PHLDB2: variants seen among roughly 807,000 people sequenced by gnomAD.
PHLDB2 encodes the protein pleckstrin homology like domain family B member 2.
A neutral mutation model predicts 123.6 loss-of-function variants in PHLDB2; 71 were observed. That is an observed-to-expected ratio of 0.57 (90% CI 0.47 to 0.70). The LOEUF (loss-of-function observed/expected upper bound fraction) is 0.70. Among genes scored for constraint, PHLDB2 ranks in the 30% least tolerant of loss-of-function variants. The pLI is 0.00. For synonymous variants in PHLDB2, 547 were observed against 541.6 expected, an observed-to-expected ratio of 1.01 and a Z score of -0.14; for missense variants, 1,446 against 1,519.5, an observed-to-expected ratio of 0.95 and a Z score of 0.80.
In PHLDB2 at chr3:111,932,416, T is replaced by G; in HGVS notation, c.2130+19T>G. On this transcript the variant is annotated intron_variant, in intron 6 of 17. Transcript: ENST00000431670. ...GAAGAGGGTCAGTAGCAAACAGGAA[T>G]GCACCAGTTATTTTGCTTTTCGTTT... is the stretch of plus-strand genomic sequence containing the variant. 6.5e-7 allele frequency: 1 copy of G among 1,534,732 alleles called. No homozygotes were observed. Among genetic ancestry groups the G allele is most frequent in the Non-Finnish European group, 8.8e-7 (1 of 1,138,346 alleles).
intron 13 of PHLDB2, 90 bp from the exon 14 acceptor site, chr3:111,966,519 GTGTC>G: frequency 1.6e-6 from 1 of 622,272 alleles, no homozygotes; most frequent in African/African-American, 2.5e-5. Flanking sequence ...GTGTGTGTGT[GTGTC>G]TGGGGTGTGT....
At chr3:111,913,777 A>AT in intron 3 of PHLDB2, 75 bp downstream of exon 3, 1 of 1,419,966 alleles carries the variant, frequency 7.0e-7, no homozygotes, top group Non-Finnish European at 9.5e-7. Flanking sequence ...AAAACTGATG[A>AT]TTTTATCATG....
intron 1 of PHLDB2, among the ~76,000 whole-genome samples, chr3:111,796,498 A>C: frequency 6.6e-6 from 1 of 152,176 alleles, no homozygotes; most frequent in East Asian, 1.9e-4. Context: ...CGCTTCTAAC[A>C]GATTCTCCAC....
At chr3:111,906,707 A>T (rs1002151298) in intron 2 of PHLDB2, among the ~76,000 whole-genome samples, 1 of 152,208 alleles carries the variant, frequency 6.6e-6, no homozygotes, top group African/African-American at 2.4e-5. Flanking sequence ...GAGAATAGGC[A>T]TTAGCATACA....
intron 2 of PHLDB2, among the ~76,000 whole-genome samples, chr3:111,848,306 C>T (rs955744252): frequency 6.6e-6 from 1 of 152,172 alleles, no homozygotes; most frequent in African/African-American, 2.4e-5. Context: ...AAGGTTACCC[C>T]CCGCCACCTG....
chr3:111,780,321 GGAAGAAGAAGAAGAAGAAGAA>G (rs776116547), intron 1 of PHLDB2, among the ~76,000 whole-genome samples: 10 of 3,676 alleles, frequency 2.7e-3, no homozygotes, highest in South Asian at 0.031. Flanking sequence ...AAGAGGAAGA[GGAAGAAGAAGAAGAAGAAGAA>G]GAAGAAGAAG....
intron 1 of PHLDB2, among the ~76,000 whole-genome samples, chr3:111,843,417 G>A (rs555098798): frequency 2.4e-4 from 37 of 152,286 alleles, no homozygotes; most frequent in East Asian, 9.6e-4. Flanking sequence ...ATTAGACAGC[G>A]TCTTGCTCTG....
At chr3:111,837,061 T>G (rs1467670363) in intron 1 of PHLDB2, among the ~76,000 whole-genome samples, 3 of 152,198 alleles carry the variant, frequency 2.0e-5, no homozygotes, top group Non-Finnish European at 4.4e-5. Context: ...GGTTTAGTTG[T>G]TTAATATCTC....
At chr3:111,906,404 G>A (rs1226225093) in intron 2 of PHLDB2, among the ~76,000 whole-genome samples, 1 of 152,158 alleles carries the variant, frequency 6.6e-6, no homozygotes, top group Non-Finnish European at 1.5e-5. Flanking sequence ...CTTGGCCAGG[G>A]TCACACAGGT....
rs755629257 is a variant in PHLDB2, at chr3:111,953,956, C to T, written c.2799C>T (p.Asn933=). The change falls in exon 12 of 18, where the codon AAC becomes AAT. Residue 933 remains asparagine (N), a synonymous_variant. Transcript: ENST00000431670. ...PKAHLPLGQS[N]SCGSVLPPSL... Reference sequence around the variant, plus strand: ...CCCATCTGCCCCTAGGACAGAGTAACAGCTGTGGAAGTGTGCTCCCTCCCT... The same window carrying T: ...CCCATCTGCCCCTAGGACAGAGTAATAGCTGTGGAAGTGTGCTCCCTCCCT... 3 of 1,613,770 alleles carry T rather than the reference C, an allele frequency of 1.9e-6. No individual in the cohort carries two copies. Among genetic ancestry groups the T allele is most frequent in the South Asian group, 2.2e-5 (2 of 91,074 alleles).
intron 2 of PHLDB2, among the ~76,000 whole-genome samples, chr3:111,904,486 A>C (rs981648360): frequency 2.0e-5 from 3 of 152,160 alleles, no homozygotes; most frequent in Non-Finnish European, 4.4e-5. Flanking sequence ...TCCAGTCTGC[A>C]TAAAGGCAGG....
At chr3:111,854,417 T>C (rs1306003026), upstream of PHLDB2, among the ~76,000 whole-genome samples, 1 of 152,236 alleles carries the variant, frequency 6.6e-6, no homozygotes, top group African/African-American at 2.4e-5. Flanking sequence ...ACTTTGCAAG[T>C]AGAAACTTCT....
chr3:111,905,369 A>G (rs2067449759), intron 2 of PHLDB2, among the ~76,000 whole-genome samples: 1 of 151,808 alleles, frequency 6.6e-6, no homozygotes. Flanking sequence ...TTATTTATTT[A>G]TTTATTTGAG....
intron 1 of PHLDB2, among the ~76,000 whole-genome samples, chr3:111,874,381 C>T (rs571640061): frequency 6.6e-6 from 1 of 152,266 alleles, no homozygotes; most frequent in Non-Finnish European, 1.5e-5. Flanking sequence ...ATATCTCTTA[C>T]CGTATGTCTC....
chr3:111,740,162 C>T (rs1408433883), intron 1 of PHLDB2, among the ~76,000 whole-genome samples: 6 of 152,236 alleles, frequency 3.9e-5, no homozygotes, highest in East Asian at 1.9e-4. Flanking sequence ...ATGGCTCACA[C>T]GGGTTTACCT....
chr3:111,892,685 T>C (rs2066571108), intron 2 of PHLDB2, among the ~76,000 whole-genome samples: 1 of 152,218 alleles, frequency 6.6e-6, no homozygotes, highest in Non-Finnish European at 1.5e-5. Flanking sequence ...GAGTTATTTT[T>C]CTTTACTTTG....
At chr3:111,808,397 C>T (rs2061687548) in intron 1 of PHLDB2, among the ~76,000 whole-genome samples, 1 of 151,912 alleles carries the variant, frequency 6.6e-6, no homozygotes, top group African/African-American at 2.4e-5. Context: ...TATGTCTGCT[C>T]GGAAAAAGGA....
At chr3:111,806,272 T>C (rs773741887) in intron 1 of PHLDB2, among the ~76,000 whole-genome samples, 1 of 152,102 alleles carries the variant, frequency 6.6e-6, no homozygotes, top group Admixed American at 6.5e-5. Context: ...ACAGTCCAGT[T>C]TAAAACATAC....
chr3:111,940,308 G>A lies in PHLDB2; in HGVS notation c.2287-227G>A, dbSNP rs547722920. On this transcript the variant is annotated intron_variant, in intron 7 of 17. Coordinates refer to ENST00000431670, the MANE Select transcript of PHLDB2 (RefSeq NM_001134438.2). ...TTGACTTCTGGGTTCTTCAAGATAG[G>A]TTTTTAATCAGTCGATCTATATTAG... is the stretch of plus-strand genomic sequence containing the variant. 2.6e-5 allele frequency among the ~76,000 whole-genome samples: 4 copies of A among 152,296 alleles called. No individual in the cohort carries two copies. In the East Asian group the frequency reaches 7.7e-4, roughly 29 times the overall value.
Sources: allele counts gnomAD v4.1 joint callset (sites outside exome capture counted in the v4.1 genomes callset), GRCh38; gene constraint gnomAD v4.1.1; transcripts MANE v1.5; gene names NCBI Gene and HGNC (gene_info 2026-07-23, HGNC 2026-07-21).